Variants in IGSF10 observed in about 807,000 individuals in gnomAD.
IGSF10 encodes the protein calvaria mechanical force protein 608.
IGSF10 carries 126 observed loss-of-function variants against 128.2 expected under a neutral mutation model. That is an observed-to-expected ratio of 0.98 (90% CI 0.85 to 1.14). The LOEUF (loss-of-function observed/expected upper bound fraction) is 1.14, where lower values mean the gene tolerates loss of function less well. Among genes scored for constraint, IGSF10 ranks in the 50% most tolerant of loss-of-function variants. The pLI, the probability that IGSF10 is intolerant of heterozygous loss-of-function variation, is 0.00. For synonymous variants in IGSF10, 1,185 were observed against 1,146.2 expected (o/e 1.03, Z -0.68); for missense variants, 3,295 against 3,149.8 (o/e 1.05, Z -1.10).
chr3:151,482,466 G>T, the IGSF10 span, among the ~76,000 whole-genome samples: 1 of 152,230 alleles, frequency 6.6e-6, no homozygotes, highest in East Asian at 1.9e-4. Context: ...CTGATCAGAG[G>T]AAAGAATCTA....
At chr3:151,506,632 G>A in the IGSF10 span, among the ~76,000 whole-genome samples, 3 of 151,946 alleles carry the variant, frequency 2.0e-5, no homozygotes, top group African/African-American at 7.2e-5. Flanking sequence ...CCCTTAGTTT[G>A]ATCAAATGTA....
In IGSF10 at chr3:151,460,965, A is replaced by G; in HGVS notation, c.-108T>C. On this transcript the variant is annotated 5_prime_UTR_variant, in exon 1 of 8. Coordinates refer to ENST00000282466, the MANE Select transcript of IGSF10 (RefSeq NM_178822.5). ...GCTCACCTGTTTGCCCTGGTGACCA[A>G]TGGGCTCGAGCTGCCCGGGCTAGGT... 1.0e-6 allele frequency: 1 copy of G among 985,206 alleles called. No individual in the cohort carries two copies. Among genetic ancestry groups the G allele is most frequent in the Non-Finnish European group, 1.2e-6 (1 of 829,874 alleles). The allele number at this position is 985,206 out of a possible 1,614,324, so 61.0% of individuals were successfully genotyped here. A position where few individuals can be genotyped will look rare whatever the true frequency, so the allele number is the denominator to read the frequency against.
the IGSF10 span, among the ~76,000 whole-genome samples, chr3:151,501,523 TA>T: frequency 8.5e-5 from 13 of 152,060 alleles, no homozygotes; most frequent in African/African-American, 3.1e-4. Context: ...TAGTCATCAG[TA>T]TATGGATTCC....
At chr3:151,599,875 G>C in the IGSF10 span, among the ~76,000 whole-genome samples, 1 of 152,190 alleles carries the variant, frequency 6.6e-6, no homozygotes, top group African/African-American at 2.4e-5. Context: ...CTAAATGAAA[G>C]ATGATTAGGA....
the IGSF10 span, among the ~76,000 whole-genome samples, chr3:151,495,537 A>C: frequency 1.3e-5 from 2 of 151,870 alleles, no homozygotes; most frequent in African/African-American, 4.8e-5. Context: ...AAAGTGAAAA[A>C]AATTAAGAAC....
the IGSF10 span, among the ~76,000 whole-genome samples, chr3:151,565,572 A>C: frequency 6.6e-6 from 1 of 152,130 alleles, no homozygotes; most frequent in African/African-American, 2.4e-5. Flanking sequence ...GCAGCTACAG[A>C]ATGATCTGTT....
chr3:151,496,741 G>A, the IGSF10 span, among the ~76,000 whole-genome samples: 2 of 151,952 alleles, frequency 1.3e-5, no homozygotes, highest in South Asian at 4.2e-4. Context: ...CTAGATCCCT[G>A]AGGAATTTCC....
chr3:151,432,740 T>A, downstream of IGSF10: 1 of 1,611,150 alleles, frequency 6.2e-7, no homozygotes, highest in Non-Finnish European at 8.5e-7. Flanking sequence ...TTCAATTTAT[T>A]TTTCTCCTTA....
At chr3:151,510,988 T>C in the IGSF10 span, among the ~76,000 whole-genome samples, 7 of 152,340 alleles carry the variant, frequency 4.6e-5, no homozygotes, top group African/African-American at 1.7e-4. Context: ...CTACGTCTAA[T>C]TGGTGTACCT....
the IGSF10 span, among the ~76,000 whole-genome samples, chr3:151,568,091 C>T: frequency 6.6e-6 from 1 of 152,190 alleles, no homozygotes; most frequent in African/African-American, 2.4e-5. Flanking sequence ...TAAAGACCCT[C>T]TGTTCTGGTA....
At chr3:151,477,886 A>G in the IGSF10 span, among the ~76,000 whole-genome samples, 1 of 152,116 alleles carries the variant, frequency 6.6e-6, no homozygotes, top group Non-Finnish European at 1.5e-5. Context: ...ATATGTAAAC[A>G]AGTGAGCATG....
the IGSF10 span, among the ~76,000 whole-genome samples, chr3:151,592,808 G>A: frequency 2.6e-5 from 4 of 152,040 alleles, no homozygotes; most frequent in African/African-American, 9.7e-5. Flanking sequence ...CATTACTGTT[G>A]ACTAGTCTAC....
At chr3:151,503,532 G>C in the IGSF10 span, among the ~76,000 whole-genome samples, 12 of 152,050 alleles carry the variant, frequency 7.9e-5, no homozygotes, top group African/African-American at 2.9e-4. Flanking sequence ...TAAACTAAGA[G>C]ATATATTAGA....
At position 151,436,502 on chromosome 3, in the gene IGSF10, C is replaced by T. The variant is rs1319850677; in HGVS notation, c.*187G>A. 4 of 473,476 alleles carry T rather than the reference C, an allele frequency of 8.4e-6. No individual in the cohort carries two copies. The highest frequency in any genetic ancestry group is 7.9e-5 in the African/African-American group (4 of 50,464). 29.3% of individuals were successfully genotyped at this position (473,476 alleles called of 1,614,324 possible). ...TTAAGTTAAAAGTTTGTTTTGAGATCCATTAAATAAATCAGTATCATCAGT... is the reference window on the plus strand; with the variant it reads ...TTAAGTTAAAAGTTTGTTTTGAGATTCATTAAATAAATCAGTATCATCAGT... On this transcript the variant is annotated 3_prime_UTR_variant, in exon 8 of 8. Coordinates refer to ENST00000282466, the MANE Select transcript of IGSF10 (RefSeq NM_178822.5).
chr3:151,561,090 CTGTT>C, the IGSF10 span, among the ~76,000 whole-genome samples: 2 of 152,106 alleles, frequency 1.3e-5, no homozygotes, highest in Admixed American at 6.6e-5. Context: ...TTGGAAGAAT[CTGTT>C]TGTTATTTGT....
chr3:151,436,691 A>C lies in IGSF10; in HGVS notation c.7870T>G (p.Ter2624GlyextTer50). Residue 2624 changes from the stop codon to glycine (G), a stop_lost, in exon 8 of 8, where the codon TGA becomes GGA. Transcript: ENST00000282466. ...DYAATYIQVI* is the reference protein window; with the variant it reads ...DYAATYIQVIG Reference sequence around the variant, plus strand: ...GTTGTTGACTTTATTATTTCATGTCAGATTACTTGAATATACGTTGCTGCA... The same window carrying C: ...GTTGTTGACTTTATTATTTCATGTCCGATTACTTGAATATACGTTGCTGCA... 1.3e-6 allele frequency: 2 copies of C among 1,578,136 alleles called. No individual in the cohort carries two copies. The highest frequency in any genetic ancestry group is 1.2e-5 in the South Asian group (1 of 85,708).
At chr3:151,451,618 A>C (rs370244400) in intron 5 of IGSF10, among the ~76,000 whole-genome samples, 2 of 152,232 alleles carry the variant, frequency 1.3e-5, no homozygotes, top group South Asian at 4.1e-4. Context: ...GTTTTACAGT[A>C]ACAACTGACA....
chr3:151,511,599 A>G, the IGSF10 span, among the ~76,000 whole-genome samples: 1 of 152,182 alleles, frequency 6.6e-6, no homozygotes, highest in South Asian at 2.1e-4. Flanking sequence ...TGACAGGATC[A>G]AATTCACACA....
chr3:151,447,921 A>G lies in IGSF10; in HGVS notation c.2060T>C (p.Ile687Thr), dbSNP rs754873659. 3 of 1,614,138 alleles carry G rather than the reference A, an allele frequency of 1.9e-6. No individual in the cohort carries two copies. The highest frequency in any genetic ancestry group is 4.5e-5 in the East Asian group (2 of 44,880). ...ACCTGGTGGCTCCTTAAGATGAGCA[A>G]TAGGATTGGACTCATCAAGTCCAGA... ...EGSGLDESNPIAHLKEPPGAQ... is the reference protein window; with the variant it reads ...EGSGLDESNPTAHLKEPPGAQ... The change falls in exon 6 of 8, where the codon ATT becomes ACT. Residue 687 changes from isoleucine (I) to threonine (T), a missense_variant. By Grantham distance (89) the Ile-to-Thr change is moderately conservative (BLOSUM62 -1). Coordinates refer to ENST00000282466, the MANE Select transcript of IGSF10 (RefSeq NM_178822.5).
Sources: gnomAD v4.1 joint callset for allele counts (sites outside exome capture counted in the v4.1 genomes callset) on GRCh38, gnomAD v4.1.1 for gene constraint, MANE v1.5 for transcripts, NCBI Gene and HGNC (gene_info 2026-07-23, HGNC 2026-07-21) for gene names.